Variants in PUDP observed in about 807,000 individuals in gnomAD.
PUDP encodes the protein pseudouridine 5'-phosphatase.
PUDP carries 8 observed loss-of-function variants against 9.4 expected under a neutral mutation model. The ratio of observed to expected loss-of-function variants is 0.85; its 90% confidence interval spans 0.50 to 1.53. The LOEUF is 1.53. Ranked by LOEUF, PUDP falls within the 40% of genes most tolerant of loss-of-function variation. The probability of loss-of-function intolerance (pLI) is 0.00; values close to 1 mark genes in which losing one functional copy is unlikely to be tolerated. For missense variants in PUDP, 188 were observed against 189.7 expected (o/e 0.99, Z 0.05); for synonymous variants, 99 against 80.7 (o/e 1.23, Z -1.22).
At chrX:6,785,191 TA>T (rs1453992277) in intron 3 of PUDP, among the ~76,000 whole-genome samples, 1 of 112,785 alleles carries the variant, frequency 8.9e-6, no homozygotes, top group Non-Finnish European at 1.9e-5. Context: ...TTGATTCTGG[TA>T]ATTCCCTAAA....
intron 3 of PUDP, among the ~76,000 whole-genome samples, chrX:6,816,804 ATATATATACACATACAG>A (rs1302207964): frequency 6.3e-5 from 6 of 95,704 alleles, no homozygotes; most frequent in Non-Finnish European, 1.2e-4. Flanking sequence ...AGTATATACA[ATATATATACACATACAG>A]TATATACTAT....
At chrX:7,087,814 G>A (rs1931308193) in intron 2 of PUDP, among the ~76,000 whole-genome samples, 1 of 112,405 alleles carries the variant, frequency 8.9e-6, no homozygotes, top group African/African-American at 3.2e-5. Flanking sequence ...CAGGCGATGA[G>A]CATCCGACTG....
chrX:6,938,583 T>C (rs1215979118), intron 3 of PUDP, among the ~76,000 whole-genome samples: 10 of 99,076 alleles, frequency 1.0e-4, no homozygotes, highest in African/African-American at 3.7e-4. Flanking sequence ...TGTATACATA[T>C]GTAACTAACC....
intron 1 of PUDP, among the ~76,000 whole-genome samples, chrX:6,720,233 T>C (rs1248239415): frequency 6.4e-5 from 5 of 78,267 alleles, no homozygotes; most frequent in African/African-American, 2.6e-4. Context: ...TATATATGTG[T>C]GTATATATGT....
At chrX:7,046,093 T>C (rs779107515), downstream of PUDP, among the ~76,000 whole-genome samples, 6 of 112,208 alleles carry the variant, frequency 5.3e-5, no homozygotes, top group East Asian at 8.4e-4. Context: ...ATAATTAAAA[T>C]TGATAGTGAA....
Position 7,105,027 on chromosome X carries a change from C to T in PUDP, c.280+593G>A, listed in dbSNP as rs146294267. Among the ~76,000 whole-genome samples, 629 of 111,018 alleles carry T rather than the reference C, an allele frequency of 5.7e-3. 4 individuals are homozygous for T. The highest frequency in any genetic ancestry group is 0.02 in the African/African-American group (601 of 30,514). On this transcript the variant is annotated intron_variant, in intron 2 of 3. Coordinates refer to ENST00000381077, the MANE Select transcript of PUDP (RefSeq NM_012080.5). ...ATCTAGAATATTCTTGAACAAGGAG[C>T]GTCAGGCAAGCCCGTTCTGATTGAA...
chrX:6,921,212 A>G (rs1928017417), intron 3 of PUDP, among the ~76,000 whole-genome samples: 1 of 109,630 alleles, frequency 9.1e-6, no homozygotes, highest in Middle Eastern at 4.3e-3. Flanking sequence ...GTGAGACCCT[A>G]TTTCTACAAA....
rs779959821 is a variant in PUDP, at chrX:6,911,232, A to G, written c.*247+65901T>C. ...TTTTTTTGAGACAGAGCCTCACTCT[A>G]TTGCCTAGGCTGGAGTGCAATGGTA... On this transcript the variant is annotated intron_variant and NMD_transcript_variant, in intron 3 of 3. Coordinates refer to the PUDP transcript ENST00000655425. 5.9e-5 allele frequency among the ~76,000 whole-genome samples: 6 copies of G among 101,174 alleles called. No individual in the cohort carries two copies. In the South Asian group the frequency reaches 2.3e-3, roughly 39 times the overall value. The allele number at this position is 101,174 out of a possible 115,157, so 87.9% of individuals were successfully genotyped here.
chrX:6,807,452 C>T (rs987592670), intron 3 of PUDP, among the ~76,000 whole-genome samples: 6 of 112,541 alleles, frequency 5.3e-5, no homozygotes, highest in African/African-American at 1.9e-4. Context: ...AATTTAGCTT[C>T]CCCTCTCGTA....
intron 3 of PUDP, among the ~76,000 whole-genome samples, chrX:6,821,953 C>G (rs914571498): frequency 8.9e-6 from 1 of 111,826 alleles, no homozygotes; most frequent in African/African-American, 3.3e-5. Flanking sequence ...ACTGTGTAAA[C>G]GGCACACCTA....
chrX:6,894,452 T>C (rs1271978023), intron 3 of PUDP, among the ~76,000 whole-genome samples: 1 of 112,156 alleles, frequency 8.9e-6, no homozygotes, highest in East Asian at 2.8e-4. Flanking sequence ...CTTCCAAAGA[T>C]TTCAGCTCTC....
At chrX:6,996,630 G>T (rs1441791900) in intron 1 of PUDP, among the ~76,000 whole-genome samples, 10 of 104,394 alleles carry the variant, frequency 9.6e-5, no homozygotes, top group Admixed American at 4.3e-4. Flanking sequence ...ATATGTGTGT[G>T]TATATATATA....
intron 3 of PUDP, among the ~76,000 whole-genome samples, chrX:6,815,735 C>A (rs1926219831): frequency 9.1e-6 from 1 of 109,856 alleles, no homozygotes; most frequent in South Asian, 3.9e-4. Flanking sequence ...TGCTTGAAAT[C>A]CTCTAATTAA....
intron 3 of PUDP, among the ~76,000 whole-genome samples, 154 bp downstream of exon 3, chrX:7,077,066 A>G (rs1021539654): frequency 8.9e-6 from 1 of 112,130 alleles, no homozygotes; most frequent in Non-Finnish European, 1.9e-5. Flanking sequence ...CAACCAGACC[A>G]TCTCCCTGCC....
Position 7,148,138 on chromosome X carries a change from G to T in PUDP, c.-25C>A. ...TGGTGGCGCCTTCTGGGTCTGGGTG[G>T]GGGCGAGGAGGAAGTGCGCGCGCAC... On this transcript the variant is annotated 5_prime_UTR_variant, in exon 1 of 4. Coordinates refer to ENST00000381077, the MANE Select transcript of PUDP (RefSeq NM_012080.5). The T allele has an allele frequency of 1.9e-6, 2 of 1,069,596 alleles. No individual in the cohort carries two copies. The highest frequency in any genetic ancestry group is 2.5e-6 in the Non-Finnish European group (2 of 804,007). The allele number at this position is 1,069,596 out of a possible 1,213,427, so 88.1% of individuals were successfully genotyped here. A position where few individuals can be genotyped will look rare whatever the true frequency, so the allele number is the denominator to read the frequency against.
intron 3 of PUDP, among the ~76,000 whole-genome samples, chrX:6,939,757 G>A (rs1407720531): frequency 9.2e-6 from 1 of 108,377 alleles, no homozygotes; most frequent in Non-Finnish European, 1.9e-5. Flanking sequence ...TTCCAGCTAT[G>A]AGGGAGGATC....
intron 3 of PUDP, among the ~76,000 whole-genome samples, chrX:6,902,862 G>A (rs941931563): frequency 2.7e-5 from 3 of 111,270 alleles, no homozygotes; most frequent in African/African-American, 9.8e-5. Context: ...CTGGAGAGAA[G>A]GTAAAGGCTA....
At chrX:6,712,520 C>T (rs754582024) in intron 1 of PUDP, among the ~76,000 whole-genome samples, 10 of 111,801 alleles carry the variant, frequency 8.9e-5, no homozygotes, top group Non-Finnish European at 1.9e-4. Flanking sequence ...AGCTTAAAGT[C>T]GGGCAATGAT....
chrX:6,733,121 C>G (rs886601923), intron 3 of PUDP, among the ~76,000 whole-genome samples: 2 of 112,286 alleles, frequency 1.8e-5, no homozygotes, highest in Admixed American at 9.4e-5. Flanking sequence ...CATCCACTTA[C>G]GCTTGAAGCC....
Sources: allele counts gnomAD v4.1 joint callset (sites outside exome capture counted in the v4.1 genomes callset), GRCh38; gene constraint gnomAD v4.1.1; transcripts MANE v1.5; gene names NCBI Gene and HGNC (gene_info 2026-07-23, HGNC 2026-07-21).